The following RANBP9 variants were observed in gnomAD, a reference collection of about 807,000 sequenced individuals.
RANBP9 encodes RAN binding protein 9, also known as ran-binding protein 9.
In RANBP9, 15 loss-of-function variants were observed where a neutral mutation model predicts 84.3. That is an observed-to-expected ratio of 0.18 (90% confidence interval 0.12 to 0.27). The LOEUF (loss-of-function observed/expected upper bound fraction) is 0.27. RANBP9 is among the 10% of genes least tolerant of loss of function. The pLI is 1.00. For missense variants in RANBP9, 809 were observed against 912.8 expected (o/e 0.89, Z 1.46); for synonymous variants, 392 against 349.6 (o/e 1.12, Z -1.35).
At chr6:13,710,695 C>T (rs1424930663) in intron 1 of RANBP9, among the ~76,000 whole-genome samples, 1 of 152,220 alleles carries the variant, frequency 6.6e-6, no homozygotes, top group Non-Finnish European at 1.5e-5. Flanking sequence ...TCTAGGATTA[C>T]CAGCTCCTTT....
At chr6:13,658,234 T>TA (rs570189506) in intron 3 of RANBP9, among the ~76,000 whole-genome samples, 182 of 152,056 alleles carry the variant, frequency 1.2e-3, no homozygotes, top group African/African-American at 4.2e-3. Context: ...TACTAAAACT[T>TA]AAAAATATAA....
chr6:13,701,660 C>T (rs2113365167), intron 1 of RANBP9, among the ~76,000 whole-genome samples: 1 of 151,992 alleles, frequency 6.6e-6, no homozygotes, highest in Admixed American at 6.6e-5. Context: ...TTCCCAGCTA[C>T]TTGGGAGGCT....
intron 12 of RANBP9, among the ~76,000 whole-genome samples, chr6:13,632,143 TTTTTTTTTTTTTTTTTTTTTTTTTG>T (rs1764803311): frequency 3.7e-5 from 3 of 81,808 alleles, no homozygotes; most frequent in African/African-American, 6.3e-5. Flanking sequence ...TTTTTTTTTT[TTTTTTTTTTTTTTTTTTTTTTTTTG>T]CTTTAGTCCA....
chr6:13,692,206 C>T (rs1050911514), intron 2 of RANBP9, among the ~76,000 whole-genome samples: 4 of 152,006 alleles, frequency 2.6e-5, no homozygotes, highest in Admixed American at 6.6e-5. Flanking sequence ...TTGTTCGACA[C>T]GTTTACCAGA....
At chr6:13,682,520 T>A (rs1257555645) in intron 2 of RANBP9, among the ~76,000 whole-genome samples, 1 of 152,122 alleles carries the variant, frequency 6.6e-6, no homozygotes, top group East Asian at 1.9e-4. Context: ...TGGCACGATC[T>A]TGGCTCCATG....
At chr6:13,634,308 A>G in intron 11 of RANBP9, 123 bp downstream of exon 11, 1 of 1,209,678 alleles carries the variant, frequency 8.3e-7, no homozygotes. Context: ...ATTACTGTCA[A>G]GTCCTACAGC....
chr6:13,631,318 G>A (rs139240045), intron 12 of RANBP9, among the ~76,000 whole-genome samples: 1 of 152,238 alleles, frequency 6.6e-6, no homozygotes, highest in Non-Finnish European at 1.5e-5. Flanking sequence ...AACTTGAGGT[G>A]CTCTATAACA....
At chr6:13,659,257 T>TACACACACACACAC (rs60255234) in intron 2 of RANBP9, among the ~76,000 whole-genome samples, 5 of 130,558 alleles carry the variant, frequency 3.8e-5, no homozygotes, top group African/African-American at 1.4e-4. Context: ...CACACACACA[T>TACACACACACACAC]ACACACACAC....
chr6:13,623,122 A>T (rs189202182), intron 13 of RANBP9, among the ~76,000 whole-genome samples: 1 of 152,330 alleles, frequency 6.6e-6, no homozygotes, highest in Admixed American at 6.5e-5. Context: ...CCTGCATATC[A>T]TAAGTTTCTT....
intron 2 of RANBP9, among the ~76,000 whole-genome samples, chr6:13,665,548 A>G (rs530100048): frequency 6.6e-6 from 1 of 152,182 alleles, no homozygotes; most frequent in Non-Finnish European, 1.5e-5. Context: ...GGGAATTTAA[A>G]ACAATAAAAC....
At chr6:13,629,545 G>C (rs1764716700) in intron 12 of RANBP9, among the ~76,000 whole-genome samples, 1 of 152,134 alleles carries the variant, frequency 6.6e-6, no homozygotes, top group Admixed American at 6.5e-5. Context: ...CTCATATTTG[G>C]TTTAGAATCT....
chr6:13,653,605 A>C (rs1354613954), intron 4 of RANBP9, among the ~76,000 whole-genome samples: 1 of 152,094 alleles, frequency 6.6e-6, no homozygotes, highest in Non-Finnish European at 1.5e-5. Flanking sequence ...TTTCCATTAA[A>C]TTGTTTTTAA....
intron 5 of RANBP9, among the ~76,000 whole-genome samples, chr6:13,650,111 C>T (rs1490043245): frequency 6.6e-6 from 1 of 151,284 alleles, no homozygotes; most frequent in African/African-American, 2.4e-5. Flanking sequence ...AGACTCATTC[C>T]ATCACTATTT....
At chr6:13,667,743 GT>G (rs1242407429) in intron 2 of RANBP9, among the ~76,000 whole-genome samples, 2 of 152,110 alleles carry the variant, frequency 1.3e-5, no homozygotes, top group Non-Finnish European at 2.9e-5. Flanking sequence ...TGGCCTAGGT[GT>G]TTAATAAGCC....
intron 7 of RANBP9, among the ~76,000 whole-genome samples, chr6:13,641,514 A>C (rs1340453971): frequency 6.9e-6 from 1 of 145,488 alleles, no homozygotes; most frequent in African/African-American, 2.6e-5. Flanking sequence ...TACGGTCACA[A>C]ATTTTTTTTT....
intron 12 of RANBP9, among the ~76,000 whole-genome samples, chr6:13,629,921 C>CTCTCTCTCTCGTGT (rs1554221305): frequency 1.6e-5 from 2 of 128,342 alleles, no homozygotes; most frequent in Non-Finnish European, 3.5e-5. Flanking sequence ...CTCTCTCTCT[C>CTCTCTCTCTCGTGT]GTGTGTGTGT....
chr6:13,700,554 A>C (rs1345325453), intron 1 of RANBP9, among the ~76,000 whole-genome samples: 1 of 152,086 alleles, frequency 6.6e-6, no homozygotes, highest in Non-Finnish European at 1.5e-5. Context: ...TTCTTTCTCT[A>C]ATCTCTCCAA....
At chr6:13,701,514 T>C (rs1757970391) in intron 1 of RANBP9, among the ~76,000 whole-genome samples, 1 of 152,200 alleles carries the variant, frequency 6.6e-6, no homozygotes, top group Non-Finnish European at 1.5e-5. Flanking sequence ...GGCTCACACC[T>C]GTAATCCCAG....
intron 2 of RANBP9, among the ~76,000 whole-genome samples, chr6:13,667,447 G>A (rs996520003): frequency 2.0e-5 from 3 of 152,004 alleles, no homozygotes; most frequent in South Asian, 4.1e-4. Flanking sequence ...TCACATGCTG[G>A]CAATGCAAGA....
Sources: allele counts gnomAD v4.1 joint callset (sites outside exome capture counted in the v4.1 genomes callset), GRCh38; gene constraint gnomAD v4.1.1; transcripts MANE v1.5; gene names NCBI Gene and HGNC (gene_info 2026-07-23, HGNC 2026-07-21).